Variants in RPS6KC1 observed in about 807,000 individuals in gnomAD.
The protein encoded by RPS6KC1 is ribosomal protein S6 kinase C1.
A neutral mutation model predicts 103.8 loss-of-function variants in RPS6KC1; 54 were observed. That is an observed-to-expected ratio of 0.52 (90% CI 0.42 to 0.65). The LOEUF (loss-of-function observed/expected upper bound fraction) is 0.65. Ranked by LOEUF, RPS6KC1 falls within the 30% of genes least tolerant of loss-of-function variation. The pLI, the probability that RPS6KC1 is intolerant of heterozygous loss-of-function variation, is 0.00. For synonymous variants in RPS6KC1, 439 were observed against 438.7 expected, an observed-to-expected ratio of 1.00 and a Z score of -0.01; for missense variants, 1,151 against 1,253.8, an observed-to-expected ratio of 0.92 and a Z score of 1.24.
intron 8 of RPS6KC1, among the ~76,000 whole-genome samples, chr1:213,199,770 T>C (rs2093086591): frequency 6.6e-6 from 1 of 152,188 alleles, no homozygotes; most frequent in South Asian, 2.1e-4. Flanking sequence ...CTTAAGCCAA[T>C]AAACAACTTC....
chr1:213,232,280 A>G lies in RPS6KC1; in HGVS notation c.1225+25A>G, dbSNP rs2841435. 4.5e-3 allele frequency: 7,250 copies of G among 1,613,590 alleles called. 263 individuals carry two copies. The African/African-American group carries it at 0.079, about 17-fold the overall frequency. The stretch of plus-strand genomic sequence containing the variant: ...GGTTGGTTTGTAGTTTGGATTGTTT[A>G]TGCAGTGAAGAATGTCACCTACTTA... On this transcript the variant is annotated intron_variant, in intron 10 of 14. Coordinates refer to ENST00000366960, the MANE Select transcript of RPS6KC1 (RefSeq NM_012424.6).
chr1:213,704,872 T>C, the RPS6KC1 span, among the ~76,000 whole-genome samples: 1 of 152,272 alleles, frequency 6.6e-6, no homozygotes, highest in Non-Finnish European at 1.5e-5. Flanking sequence ...TGCAGGCTTG[T>C]AGAGATACTG....
At chr1:213,525,654 G>A in the RPS6KC1 span, among the ~76,000 whole-genome samples, 1 of 152,144 alleles carries the variant, frequency 6.6e-6, no homozygotes, top group African/African-American at 2.4e-5. Context: ...TAGCCACATG[G>A]TAGGAGGAGA....
chr1:213,348,606 C>T, the RPS6KC1 span, among the ~76,000 whole-genome samples: 3 of 152,158 alleles, frequency 2.0e-5, no homozygotes, highest in African/African-American at 4.8e-5. Context: ...CCCAAACTCA[C>T]CTGTCTTTGG....
At position 213,130,928 on chromosome 1, in the gene RPS6KC1, T is replaced by A. The variant is rs368789971; in HGVS notation, c.835+1039T>A. Among the ~76,000 whole-genome samples the A allele has an allele frequency of 1.8e-3, 277 of 152,216 alleles. 1 individual carries two copies. Among genetic ancestry groups the A allele is most frequent in the African/African-American group, 5.7e-3 (238 of 41,560 alleles). On this transcript the variant is annotated intron_variant, in intron 6 of 14. Coordinates refer to ENST00000366960, the MANE Select transcript of RPS6KC1 (RefSeq NM_012424.6). ...TCTCATCCATCTACCTTTTTTTTTT[T>A]AAATTATATTCCATGGCAGCTTTTA...
At chr1:213,073,918 T>A (rs760846733) in intron 2 of RPS6KC1, among the ~76,000 whole-genome samples, 1 of 152,048 alleles carries the variant, frequency 6.6e-6, no homozygotes, top group East Asian at 1.9e-4. Context: ...TCAGGCGATC[T>A]GCTCATCTCG....
chr1:213,236,497 A>G (rs1395708989), intron 10 of RPS6KC1, among the ~76,000 whole-genome samples: 1 of 152,168 alleles, frequency 6.6e-6, no homozygotes, highest in Non-Finnish European at 1.5e-5. Flanking sequence ...TAGACAGGCT[A>G]TATCAGTCAG....
chr1:213,810,096 G>C, the RPS6KC1 span, among the ~76,000 whole-genome samples: 3 of 152,114 alleles, frequency 2.0e-5, no homozygotes, highest in African/African-American at 7.2e-5. Context: ...TATCATTGCC[G>C]TTGAGAAGCC....
At chr1:213,095,741 G>C (rs964283467) in intron 3 of RPS6KC1, among the ~76,000 whole-genome samples, 4 of 152,200 alleles carry the variant, frequency 2.6e-5, no homozygotes, top group Admixed American at 1.3e-4. Context: ...CTGTACTGTA[G>C]TCTATTGAGT....
the RPS6KC1 span, among the ~76,000 whole-genome samples, chr1:213,610,808 G>A: frequency 3.3e-4 from 51 of 152,260 alleles, no homozygotes; most frequent in East Asian, 8.7e-3. Flanking sequence ...TTGCTCCGGT[G>A]GGACATATTT....
At position 213,051,424 on chromosome 1, in the gene RPS6KC1, G is replaced by A. The variant is rs1357449306; in HGVS notation, c.20G>A (p.Arg7Gln). Residue 7 changes from arginine to glutamine, a missense_variant, in exon 1 of 15, where the codon CGG becomes CAG. Physicochemically the swap from Arg to Gln is conservative, Grantham distance 43 (BLOSUM62 1). Around this residue, in one of 3 missense-constraint regions of RPS6KC1, gnomAD observed 959 missense variants for 1,006.3 expected, o/e 0.95. Transcript: ENST00000366960. MTSYRE[R>Q]SADLARFYTV... ...GGGAGGATGACCTCTTACCGGGAGCGGAGTGCCGACCTGGCCCGTTTCTAC... is the reference window on the plus strand; with the variant it reads ...GGGAGGATGACCTCTTACCGGGAGCAGAGTGCCGACCTGGCCCGTTTCTAC... 6.2e-7 allele frequency: 1 copy of A among 1,613,178 alleles called. No homozygotes were observed. The highest frequency in any genetic ancestry group is 2.2e-5 in the East Asian group (1 of 44,866).
chr1:213,181,632 A>T (rs2092275417), intron 8 of RPS6KC1, among the ~76,000 whole-genome samples: 1 of 152,244 alleles, frequency 6.6e-6, no homozygotes, highest in South Asian at 2.1e-4. Context: ...GTATTTGCTC[A>T]TTAAGGGAAC....
the RPS6KC1 span, among the ~76,000 whole-genome samples, chr1:213,673,878 T>A: frequency 1.3e-5 from 2 of 152,192 alleles, no homozygotes; most frequent in Non-Finnish European, 2.9e-5. Context: ...CATGTATAGG[T>A]TTGTTACATT....
chr1:213,204,302 T>G (rs562771886), intron 8 of RPS6KC1, among the ~76,000 whole-genome samples: 1 of 152,232 alleles, frequency 6.6e-6, no homozygotes. Context: ...CACTTTCCCA[T>G]CATACATCCA....
the RPS6KC1 span, among the ~76,000 whole-genome samples, chr1:213,527,716 C>T: frequency 1.3e-5 from 2 of 151,868 alleles, no homozygotes; most frequent in Admixed American, 1.3e-4. Flanking sequence ...ATACAATTGA[C>T]CCTTGAACAA....
chr1:213,452,876 G>A, the RPS6KC1 span, among the ~76,000 whole-genome samples: 96 of 152,336 alleles, frequency 6.3e-4, no homozygotes, highest in African/African-American at 1.9e-3. Flanking sequence ...GCTTTGGAAT[G>A]CCTTGTATGA....
chr1:213,513,373 C>T, the RPS6KC1 span, among the ~76,000 whole-genome samples: 1 of 152,196 alleles, frequency 6.6e-6, no homozygotes, highest in Non-Finnish European at 1.5e-5. Flanking sequence ...TTAAGTACCA[C>T]ATTTGTGCTA....
the RPS6KC1 span, among the ~76,000 whole-genome samples, chr1:213,371,542 A>G: frequency 6.6e-6 from 1 of 152,188 alleles, no homozygotes; most frequent in Non-Finnish European, 1.5e-5. Flanking sequence ...TGGCTGAGCC[A>G]CTTTACGTTC....
rs532911594 is a variant in RPS6KC1 at position 213,159,986 on chromosome 1, C to T, written c.836-7872C>T. ...TTTAGTTCTGACAGGTTATTAGGCA[C>T]CTTGAGAAAGAGTTAATCATTATTT... On this transcript the variant is annotated intron_variant, in intron 6 of 14. Coordinates refer to ENST00000366960, the MANE Select transcript of RPS6KC1 (RefSeq NM_012424.6). 2.0e-3 allele frequency among the ~76,000 whole-genome samples: 301 copies of T among 152,104 alleles called. 2 individuals carry two copies. The highest frequency in any genetic ancestry group is 1.3e-3 in the Non-Finnish European group (89 of 68,020).
Sources: gnomAD v4.1 joint callset for allele counts (sites outside exome capture counted in the v4.1 genomes callset) on GRCh38, gnomAD v4.1.1 for gene constraint, gnomAD v4.1.1 regional missense constraint, MANE v1.5 for transcripts, NCBI Gene and HGNC (gene_info 2026-07-23, HGNC 2026-07-21) for gene names.